FARSB: variants seen among roughly 807,000 people sequenced by gnomAD.
The protein encoded by FARSB is phenylalanine--tRNA ligase beta subunit.
FARSB carries 40 observed loss-of-function variants against 69.6 expected under a neutral mutation model. That is an observed-to-expected ratio of 0.57 (90% confidence interval 0.45 to 0.75). The LOEUF (loss-of-function observed/expected upper bound fraction) is 0.75, where lower values mean the gene tolerates loss of function less well. Ranked by LOEUF, FARSB falls within the 30% of genes least tolerant of loss-of-function variation. The pLI is 0.00. For synonymous variants in FARSB, 235 were observed against 247.2 expected, an observed-to-expected ratio of 0.95 and a Z score of 0.46; for missense variants, 632 against 722.9, an observed-to-expected ratio of 0.87 and a Z score of 1.44.
At chr2:222,604,722 ATTTTTTTTT>A (rs56201038) in intron 15 of FARSB, among the ~76,000 whole-genome samples, 2 of 110,716 alleles carry the variant, frequency 1.8e-5, no homozygotes, top group Non-Finnish European at 3.5e-5. Flanking sequence ...TGCCCACTGA[ATTTTTTTTT>A]TTTTTTTTTT....
intron 15 of FARSB, among the ~76,000 whole-genome samples, chr2:222,603,599 AT>A (rs1690620603): frequency 6.7e-6 from 1 of 150,260 alleles, no homozygotes; most frequent in Non-Finnish European, 1.5e-5. Context: ...GCTCAGAATG[AT>A]TAAGTAACTT....
chr2:222,652,271 G>A (rs2106018693), intron 1 of FARSB, among the ~76,000 whole-genome samples: 1 of 152,288 alleles, frequency 6.6e-6, no homozygotes, highest in Non-Finnish European at 1.5e-5. Context: ...GAGGGCCTTG[G>A]GAGGGGGTGA....
At chr2:222,600,208 G>T (rs1445430368) in intron 15 of FARSB, 125 bp from the exon 16 acceptor site, 14 of 705,562 alleles carry the variant, frequency 2.0e-5, no homozygotes, top group Non-Finnish European at 3.2e-5. Context: ...TTCAGAGAAG[G>T]ATTCAACCTC....
At chr2:222,603,764 T>A (rs1403835339) in intron 15 of FARSB, among the ~76,000 whole-genome samples, 1 of 149,036 alleles carries the variant, frequency 6.7e-6, no homozygotes, top group African/African-American at 2.5e-5. Context: ...GCTAATACGA[T>A]TAATTATCTG....
Position 222,567,724 on chromosome 2 carries a change from G to A in FARSB, c.*4147C>T, listed in dbSNP as rs551055785. On this transcript the variant is annotated 3_prime_UTR_variant, in exon 17 of 17. Coordinates refer to ENST00000281828, the MANE Select transcript of FARSB (RefSeq NM_005687.5). ...ACGTCACATCAAAGAAATATCTAAT[G>A]AACTCTATGCATCTCTGAATGTGTC... 6.6e-6 allele frequency: 1 copy of A among 152,290 alleles called. No individual in the cohort carries two copies. The highest frequency in any genetic ancestry group is 1.9e-4 in the East Asian group (1 of 5,192). The allele number at this position is 152,290 out of a possible 1,614,324, so 9.4% of individuals were successfully genotyped here.
In FARSB at chr2:222,580,806, A is replaced by C. The variant is rs1382587032; in HGVS notation, c.1619-8784T>G. ...ACTAAGGGACTTTAGGGATTATGAG[A>C]GTGACTAGAAACCTTTATCTCCTGA... On this transcript the variant is annotated intron_variant, in intron 16 of 16. Coordinates refer to ENST00000281828, the MANE Select transcript of FARSB (RefSeq NM_005687.5). Among the ~76,000 whole-genome samples, 3 of 152,310 alleles carry C rather than the reference A, an allele frequency of 2.0e-5. No homozygotes were observed. The East Asian group carries it at 5.8e-4, about 29-fold the overall frequency.
chr2:222,647,440 T>C (rs568329746), intron 2 of FARSB, among the ~76,000 whole-genome samples: 1 of 152,344 alleles, frequency 6.6e-6, no homozygotes, highest in South Asian at 2.1e-4. Flanking sequence ...TCTGACCAGC[T>C]TTCAGTTTTA....
At chr2:222,630,977 T>G (rs1691407476) in intron 8 of FARSB, among the ~76,000 whole-genome samples, 1 of 152,194 alleles carries the variant, frequency 6.6e-6, no homozygotes, top group African/African-American at 2.4e-5. Context: ...TCCTGCCATT[T>G]GAGGTTACCT....
At position 222,578,263 on chromosome 2, in the gene FARSB, T is replaced by C. The variant is rs561655044; in HGVS notation, c.1619-6241A>G. ...AACAAATGGTTCTTTACCCAGTCTT[T>C]CACCTGACAAAAATCTTTAAGGGGA... On this transcript the variant is annotated intron_variant, in intron 16 of 16. Coordinates refer to ENST00000281828, the MANE Select transcript of FARSB (RefSeq NM_005687.5). 7.9e-5 allele frequency among the ~76,000 whole-genome samples: 12 copies of C among 152,352 alleles called. No homozygotes were observed. In the South Asian group the frequency reaches 2.5e-3, roughly 32 times the overall value.
chr2:222,623,251 A>C (rs1047215814), intron 13 of FARSB, among the ~76,000 whole-genome samples: 1 of 152,214 alleles, frequency 6.6e-6, no homozygotes, highest in Admixed American at 6.5e-5. Context: ...AAAGACAAAG[A>C]AATTAATTTA....
At chr2:222,638,023 C>T (rs760176908) in intron 5 of FARSB, among the ~76,000 whole-genome samples, 10 of 151,940 alleles carry the variant, frequency 6.6e-5, no homozygotes, top group Admixed American at 1.3e-4. Context: ...AACTGATAAA[C>T]CTCTAGCCAC....
intron 15 of FARSB, among the ~76,000 whole-genome samples, chr2:222,605,223 C>G (rs1416477877): frequency 6.7e-6 from 1 of 149,134 alleles, no homozygotes; most frequent in African/African-American, 2.5e-5. Context: ...TTCTCTCCCT[C>G]TGAAGGGAAA....
chr2:222,640,941 T>C lies in FARSB; in HGVS notation c.270-10A>G. The stretch of plus-strand genomic sequence containing the variant: ...CACTGGAGCCTTTATCCTAAAATAA[T>C]ATTTAAATGAATTTACTCATAATTA... On this transcript the variant is annotated splice_polypyrimidine_tract_variant and intron_variant, in intron 3 of 16. Transcript: ENST00000281828. 1.5e-6 allele frequency: 2 copies of C among 1,358,068 alleles called. No homozygotes were observed. The highest frequency in any genetic ancestry group is 2.1e-6 in the Non-Finnish European group (2 of 972,200). The allele number at this position is 1,358,068 out of a possible 1,614,324, so 84.1% of individuals were successfully genotyped here.
chr2:222,633,340 T>G (rs1369125591), intron 6 of FARSB, 33 bp from the exon 7 acceptor site: 1 of 1,091,120 alleles, frequency 9.2e-7, no homozygotes, highest in South Asian at 1.3e-5. Flanking sequence ...AAAATTAGTT[T>G]TTTTTTTTAA....
intron 16 of FARSB, among the ~76,000 whole-genome samples, chr2:222,593,511 G>A (rs79916070): frequency 0.15 from 22,283 of 152,164 alleles, 2,560 homozygotes; most frequent in East Asian, 0.56. Flanking sequence ...CTTAGGCTCT[G>A]ATAATTAAAC....
chr2:222,636,670 A>C (rs1295549868), intron 5 of FARSB, among the ~76,000 whole-genome samples: 2 of 152,220 alleles, frequency 1.3e-5, no homozygotes, highest in Non-Finnish European at 2.9e-5. Context: ...AAAAATTTCA[A>C]AGTCTTGCTA....
At chr2:222,654,973 T>C (rs1574961212) in intron 1 of FARSB, among the ~76,000 whole-genome samples, 1 of 151,860 alleles carries the variant, frequency 6.6e-6, no homozygotes, top group African/African-American at 2.4e-5. Flanking sequence ...CCGCGGCAGG[T>C]GGATCACGAG....
At chr2:222,595,362 AT>A (rs1288421842) in intron 16 of FARSB, among the ~76,000 whole-genome samples, 1 of 152,130 alleles carries the variant, frequency 6.6e-6, no homozygotes, top group Admixed American at 6.5e-5. Flanking sequence ...TTTCACCCAT[AT>A]TTTTTAGCAT....
chr2:222,578,396 A>G (rs1689886413), intron 16 of FARSB, among the ~76,000 whole-genome samples: 1 of 152,260 alleles, frequency 6.6e-6, no homozygotes, highest in Non-Finnish European at 1.5e-5. Flanking sequence ...GGAAATGTCG[A>G]CTATATGAGA....
Sources: gnomAD v4.1 joint callset for allele counts (sites outside exome capture counted in the v4.1 genomes callset) on GRCh38, gnomAD v4.1.1 for gene constraint, MANE v1.5 for transcripts, NCBI Gene and HGNC (gene_info 2026-07-23, HGNC 2026-07-21) for gene names.